The following DENND1A variants were observed in gnomAD, a reference collection of about 807,000 sequenced individuals.
The protein encoded by DENND1A is DENN domain containing 1A, also known as DENN domain-containing protein 1A.
In DENND1A, 51 loss-of-function variants were observed where a neutral mutation model predicts 113.7. The observed-to-expected ratio is 0.45, with a 90% CI of 0.36 to 0.57. DENND1A has a LOEUF of 0.57. Among genes scored for constraint, DENND1A ranks in the 20% least tolerant of loss-of-function variants. DENND1A has a pLI of 0.00. For synonymous variants in DENND1A, 565 were observed against 570.8 expected, an observed-to-expected ratio of 0.99 and a Z score of 0.14; for missense variants, 1,258 against 1,395.9, an observed-to-expected ratio of 0.90 and a Z score of 1.57.
intron 21 of DENND1A, among the ~76,000 whole-genome samples, chr9:123,393,662 A>G (rs2042968951): frequency 6.6e-6 from 1 of 152,226 alleles, no homozygotes; most frequent in Non-Finnish European, 1.5e-5. Context: ...GCGACCCAGG[A>G]TAAGGGCTAG....
At chr9:123,668,345 GTAA>G (rs1192231562) in intron 7 of DENND1A, among the ~76,000 whole-genome samples, 2 of 152,174 alleles carry the variant, frequency 1.3e-5, no homozygotes, top group African/African-American at 4.8e-5. Context: ...GGGGACAATC[GTAA>G]TGATGATGGT....
chr9:123,905,062 TAAAGA>T (rs1232079192), intron 1 of DENND1A, among the ~76,000 whole-genome samples: 2 of 151,868 alleles, frequency 1.3e-5, no homozygotes, highest in Non-Finnish European at 2.9e-5. Flanking sequence ...TCAACATTCT[TAAAGA>T]AAAGAATTTT....
chr9:123,774,121 C>T (rs1342803481), intron 3 of DENND1A, among the ~76,000 whole-genome samples: 1 of 152,052 alleles, frequency 6.6e-6, no homozygotes, highest in East Asian at 1.9e-4. Flanking sequence ...ATCAGTGGAG[C>T]TCAAATTCCT....
At chr9:123,583,475 C>G (rs951442164) in intron 11 of DENND1A, among the ~76,000 whole-genome samples, 1 of 152,158 alleles carries the variant, frequency 6.6e-6, no homozygotes, top group African/African-American at 2.4e-5. Flanking sequence ...TGACTATCCC[C>G]AAGTCCCAGG....
chr9:123,675,228 C>T (rs1463642926), intron 6 of DENND1A, among the ~76,000 whole-genome samples: 1 of 152,180 alleles, frequency 6.6e-6, no homozygotes. Flanking sequence ...TCATTATACA[C>T]ACAATTTCCC....
At chr9:123,688,494 C>A (rs556974243) in intron 5 of DENND1A, among the ~76,000 whole-genome samples, 1 of 151,982 alleles carries the variant, frequency 6.6e-6, no homozygotes, top group African/African-American at 2.4e-5. Flanking sequence ...TAGATTTGTG[C>A]GAGAAGTCAT....
At chr9:123,395,941 A>G (rs1291542435) in intron 21 of DENND1A, among the ~76,000 whole-genome samples, 1 of 151,934 alleles carries the variant, frequency 6.6e-6, no homozygotes, top group African/African-American at 2.4e-5. Context: ...TTGGAGAGTC[A>G]AAGCTGAGGA....
At chr9:123,620,746 C>G (rs2138212577) in intron 10 of DENND1A, among the ~76,000 whole-genome samples, 1 of 152,290 alleles carries the variant, frequency 6.6e-6, no homozygotes, top group South Asian at 2.1e-4. Flanking sequence ...CCTTCCTCTT[C>G]TGTCTGAAAC....
At chr9:123,618,957 A>C (rs1387398782) in intron 10 of DENND1A, among the ~76,000 whole-genome samples, 2 of 152,104 alleles carry the variant, frequency 1.3e-5, no homozygotes, top group African/African-American at 2.4e-5. Context: ...TCTTCTTATT[A>C]TTATTTTTGA....
intron 11 of DENND1A, among the ~76,000 whole-genome samples, chr9:123,592,733 G>T (rs1009262527): frequency 2.0e-5 from 3 of 152,024 alleles, no homozygotes; most frequent in Admixed American, 1.3e-4. Flanking sequence ...TTGAACTCCT[G>T]GGCTCAAGTG....
chr9:123,407,444 A>ACTCACACACACACCCC (rs766677454), intron 20 of DENND1A, among the ~76,000 whole-genome samples: 2 of 152,014 alleles, frequency 1.3e-5, no homozygotes, highest in Admixed American at 1.3e-4. Flanking sequence ...TGACTCACAC[A>ACTCACACACACACCCC]CTCACACACA....
At chr9:123,830,039 T>G (rs768406089) in intron 2 of DENND1A, among the ~76,000 whole-genome samples, 38 of 152,166 alleles carry the variant, frequency 2.5e-4, no homozygotes, top group Non-Finnish European at 3.7e-4. Context: ...ACAAAGGAGA[T>G]GTCTTAATCT....
At chr9:123,411,855 A>G (rs2044329106) in intron 19 of DENND1A, 26 bp from the exon 20 acceptor site, 1 of 985,574 alleles carries the variant, frequency 1.0e-6, no homozygotes, top group South Asian at 4.7e-5. Context: ...AACTTACAAC[A>G]TCAGGACACA....
intron 12 of DENND1A, among the ~76,000 whole-genome samples, chr9:123,576,366 T>A (rs576685184): frequency 8.6e-4 from 131 of 152,228 alleles, no homozygotes; most frequent in Non-Finnish European, 1.6e-3. Flanking sequence ...ATATTTACTA[T>A]CTGTGGTTCT....
chr9:123,649,009 T>C (rs940136332), intron 9 of DENND1A, among the ~76,000 whole-genome samples: 29 of 152,216 alleles, frequency 1.9e-4, no homozygotes, highest in African/African-American at 1.4e-4. Context: ...TACAGCTTTA[T>C]AGAAAGTTTT....
intron 2 of DENND1A, among the ~76,000 whole-genome samples, chr9:123,831,745 G>C (rs1840251231): frequency 6.6e-6 from 1 of 152,220 alleles, no homozygotes; most frequent in African/African-American, 2.4e-5. Flanking sequence ...CACTCTGGGA[G>C]GCTGAGGTGG....
At chr9:123,615,677 C>G (rs2137972830) in intron 10 of DENND1A, among the ~76,000 whole-genome samples, 1 of 152,300 alleles carries the variant, frequency 6.6e-6, no homozygotes, top group East Asian at 1.9e-4. Flanking sequence ...GCTAACACCT[C>G]TCTTGGTAGG....
chr9:123,413,768 G>C (rs1170840735), intron 19 of DENND1A: 33 of 985,372 alleles, frequency 3.3e-5, no homozygotes, highest in Non-Finnish European at 4.0e-5. Flanking sequence ...GGATGGGCAA[G>C]GCCACCATGT....
chr9:123,678,648 C>T (rs996347573), intron 5 of DENND1A, among the ~76,000 whole-genome samples: 2 of 152,190 alleles, frequency 1.3e-5, no homozygotes, highest in Non-Finnish European at 2.9e-5. Flanking sequence ...GTGCACAGTC[C>T]TCTGTCATTA....
Sources: allele counts gnomAD v4.1 joint callset (sites outside exome capture counted in the v4.1 genomes callset), GRCh38; gene constraint gnomAD v4.1.1; transcripts MANE v1.5; gene names NCBI Gene and HGNC (gene_info 2026-07-23, HGNC 2026-07-21).